OR4F16: variants seen among roughly 807,000 people sequenced by gnomAD.
OR4F16 encodes the protein olfactory receptor 4F3/4F16/4F29.
the OR4F16 span, among the ~76,000 whole-genome samples, chr1:714,821 TAAGTG>T: frequency 1.5e-5 from 2 of 137,604 alleles, no homozygotes; most frequent in Non-Finnish European, 3.0e-5. Context: ...GAATATATGT[TAAGTG>T]AAGTAATAAA....
At chr1:715,838 A>G in the OR4F16 span, among the ~76,000 whole-genome samples, 1 of 151,270 alleles carries the variant, frequency 6.6e-6, no homozygotes, top group African/African-American at 2.5e-5. Context: ...TCTCAAAAAA[A>G]AAAAGAAAAA....
the OR4F16 span, among the ~76,000 whole-genome samples, chr1:717,310 C>A: frequency 1.3e-5 from 2 of 151,220 alleles, no homozygotes; most frequent in African/African-American, 4.9e-5. Context: ...TCGGCAGAAA[C>A]CTTGAAGGCC....
At chr1:717,315 A>C in the OR4F16 span, among the ~76,000 whole-genome samples, 2 of 151,378 alleles carry the variant, frequency 1.3e-5, no homozygotes, top group Admixed American at 1.3e-4. Context: ...AGAAACCTTG[A>C]AGGCCAGCAG....
the OR4F16 span, among the ~76,000 whole-genome samples, chr1:715,761 G>T: frequency 1.4e-5 from 2 of 141,940 alleles, no homozygotes; most frequent in Non-Finnish European, 3.0e-5. Flanking sequence ...GAGTCTGGGA[G>T]GTCAAGGCTG....
At chr1:701,576 C>T in the OR4F16 span, among the ~76,000 whole-genome samples, 1 of 150,412 alleles carries the variant, frequency 6.6e-6, no homozygotes, top group South Asian at 2.1e-4. Flanking sequence ...TGTACATATA[C>T]ACCATGGAAT....
At chr1:690,133 G>A (rs1474491180), upstream of OR4F16, among the ~76,000 whole-genome samples, 10 of 101,270 alleles carry the variant, frequency 9.9e-5, no homozygotes, top group Admixed American at 5.6e-4. Flanking sequence ...AAGCACAGAT[G>A]ATAATAAATG....
At chr1:680,090 T>C in the OR4F16 span, among the ~76,000 whole-genome samples, 12 of 122,046 alleles carry the variant, frequency 9.8e-5, 2 homozygotes, top group Non-Finnish European at 2.0e-4. Flanking sequence ...TAATTCATCA[T>C]ATAAATAGAA....
the OR4F16 span, among the ~76,000 whole-genome samples, chr1:701,288 G>A: frequency 6.7e-6 from 1 of 149,460 alleles, no homozygotes; most frequent in African/African-American, 2.5e-5. Flanking sequence ...GGAGGCTGAG[G>A]AAAACGCACC....
the OR4F16 span, chr1:712,059 A>G: frequency 7.1e-4 from 1 of 1,400 alleles, no homozygotes; most frequent in East Asian, 0.042. Flanking sequence ...TATATATTAT[A>G]TATCTATTAT....
chr1:713,524 C>T, the OR4F16 span, among the ~76,000 whole-genome samples: 7 of 138,366 alleles, frequency 5.1e-5, no homozygotes, highest in African/African-American at 1.3e-4. Flanking sequence ...TCTATCTCAA[C>T]TGCTTCTAAA....
At chr1:710,201 T>G in the OR4F16 span, among the ~76,000 whole-genome samples, 1 of 129,008 alleles carries the variant, frequency 7.8e-6, no homozygotes, top group Non-Finnish European at 1.7e-5. Context: ...CCATCGTTCT[T>G]TATTCTTATA....
At chr1:712,073 TATA>T in the OR4F16 span, among the ~76,000 whole-genome samples, 29 of 1,372 alleles carry the variant, frequency 0.021, 4 homozygotes, top group Non-Finnish European at 0.08. Context: ...CTATTATATA[TATA>T]ATATTATATA....
At chr1:680,028 A>G in the OR4F16 span, among the ~76,000 whole-genome samples, 1 of 133,686 alleles carries the variant, frequency 7.5e-6, no homozygotes, top group South Asian at 2.6e-4. Context: ...CAATCAAGTC[A>G]GCTTCATCCC....
chr1:689,868 CA>C (rs553513647), upstream of OR4F16, among the ~76,000 whole-genome samples: 855 of 45,692 alleles, frequency 0.019, 1 homozygote, highest in East Asian at 0.084. Flanking sequence ...AACTGCTAAG[CA>C]AGACTAAGGT....
At chr1:717,186 C>T in the OR4F16 span, among the ~76,000 whole-genome samples, 1 of 148,716 alleles carries the variant, frequency 6.7e-6, no homozygotes, top group African/African-American at 2.5e-5. Flanking sequence ...TGAATATGTA[C>T]AATTATTTGT....
the OR4F16 span, among the ~76,000 whole-genome samples, chr1:701,297 C>T: frequency 6.7e-6 from 1 of 149,366 alleles, no homozygotes; most frequent in Non-Finnish European, 1.5e-5. Flanking sequence ...GGAAAACGCA[C>T]CAAAGTCATA....
At chr1:701,705 A>C in the OR4F16 span, among the ~76,000 whole-genome samples, 1 of 150,014 alleles carries the variant, frequency 6.7e-6, no homozygotes, top group Non-Finnish European at 1.5e-5. Context: ...TCTCAGTTAT[A>C]AGTGGGAGCT....
upstream of OR4F16, chr1:686,810 C>CA (rs1643009631): frequency 4.5e-5 from 1 of 22,410 alleles, no homozygotes; most frequent in Non-Finnish European, 9.0e-5. Context: ...ATATTAAAAA[C>CA]AAAAAATCAA....
chr1:718,482 C>A, the OR4F16 span, among the ~76,000 whole-genome samples: 7 of 96,718 alleles, frequency 7.2e-5, no homozygotes, highest in African/African-American at 3.9e-4. Flanking sequence ...TAATCTACAT[C>A]TTTAATGTAT....
Sources: gnomAD v4.1 joint callset for allele counts (sites outside exome capture counted in the v4.1 genomes callset) on GRCh38, gnomAD v4.1.1 for gene constraint, MANE v1.5 for transcripts, NCBI Gene and HGNC (gene_info 2026-07-23, HGNC 2026-07-21) for gene names.